The following ATP2C1 variants were observed in gnomAD, a reference collection of about 807,000 sequenced individuals.
ATP2C1 encodes calcium-transporting ATPase type 2C member 1.
Under a neutral mutation model 120.5 loss-of-function variants are expected in ATP2C1, and 31 were observed. The observed-to-expected ratio is 0.26, with a 90% confidence interval of 0.19 to 0.35. ATP2C1 has a LOEUF of 0.35. ATP2C1 is among the 10% of genes least tolerant of loss of function. The probability of loss-of-function intolerance (pLI) is 1.00; values close to 1 mark genes in which losing one functional copy is unlikely to be tolerated. For missense variants in ATP2C1, 731 were observed against 1,107.5 expected (o/e 0.66, Z 4.83); for synonymous variants, 351 against 358.7 (o/e 0.98, Z 0.24).
chr3:130,955,964 G>T, intron 10 of ATP2C1, 140 bp from the exon 11 acceptor site: 1 of 658,446 alleles, frequency 1.5e-6, no homozygotes, highest in South Asian at 1.6e-5. Flanking sequence ...TTTTCTCAGT[G>T]AAGGTGATTA....
At chr3:130,902,389 GT>G (rs1460527033) in intron 2 of ATP2C1, among the ~76,000 whole-genome samples, 6 of 136,556 alleles carry the variant, frequency 4.4e-5, no homozygotes, top group Non-Finnish European at 9.2e-5. Context: ...TTTTCTCATG[GT>G]TTTATCAAAT....
chr3:130,903,739 T>TTC (rs2057986748), intron 2 of ATP2C1, among the ~76,000 whole-genome samples: 1 of 146,962 alleles, frequency 6.8e-6, no homozygotes, highest in Non-Finnish European at 1.5e-5. Context: ...TTCCTTTCCA[T>TTC]CTTCTGTATT....
intron 1 of ATP2C1, among the ~76,000 whole-genome samples, chr3:130,864,177 A>G (rs1334077811): frequency 6.6e-6 from 1 of 152,344 alleles, no homozygotes; most frequent in East Asian, 1.9e-4. Context: ...GATGGAGATG[A>G]GGAACTTGTT....
At chr3:130,971,188 C>G (rs1014004015) in intron 17 of ATP2C1, among the ~76,000 whole-genome samples, 2 of 152,170 alleles carry the variant, frequency 1.3e-5, no homozygotes. Flanking sequence ...CACGGTACCT[C>G]AAGATAGTGT....
intron 18 of ATP2C1, among the ~76,000 whole-genome samples, chr3:130,978,019 T>C (rs2061598579): frequency 6.6e-6 from 1 of 152,102 alleles, no homozygotes; most frequent in Non-Finnish European, 1.5e-5. Flanking sequence ...AAGAAGCAAA[T>C]AAATACAGGA....
At chr3:130,983,669 T>TC (rs1453502788) in intron 20 of ATP2C1, among the ~76,000 whole-genome samples, 1 of 152,208 alleles carries the variant, frequency 6.6e-6, no homozygotes, top group Non-Finnish European at 1.5e-5. Context: ...TTTTCATCCC[T>TC]CCCCACTCCG....
chr3:130,980,465 T>C, intron 19 of ATP2C1, 117 bp from the exon 20 acceptor site: 4 of 724,492 alleles, frequency 5.5e-6, no homozygotes, highest in Non-Finnish European at 1.0e-5. Flanking sequence ...AGGTTTGTAT[T>C]ACTGGTAGGT....
rs1321967958 is a variant in ATP2C1 at position 130,979,275 on chromosome 3, C to A, written c.1597C>A (p.Leu533Met). 1 of 1,613,550 alleles carries A rather than the reference C, an allele frequency of 6.2e-7. No individual in the cohort carries two copies. The part of the protein sequence containing the change: ...RVLALASGPE[L>M]GQLTFLGLVG... ...TCTTGCTTTGGCTTCTGGTCCTGAA[C>A]TGGGACAGCTGACATTTCTTGGCTT... The change falls in exon 19 of 28, where the codon CTG (leucine) becomes ATG (methionine). Residue 533 changes from leucine to methionine, a missense_variant. By Grantham distance (15) the Leu-to-Met change is conservative. Transcript: ENST00000510168.
intron 1 of ATP2C1, among the ~76,000 whole-genome samples, chr3:130,877,594 A>G (rs1303767108): frequency 6.6e-6 from 1 of 150,510 alleles, no homozygotes; most frequent in East Asian, 1.9e-4. Context: ...ATGAGATACC[A>G]TCTCACACCA....
chr3:130,909,016 A>T (rs1182175516), intron 2 of ATP2C1, among the ~76,000 whole-genome samples: 1 of 152,220 alleles, frequency 6.6e-6, no homozygotes, highest in East Asian at 1.9e-4. Flanking sequence ...AGAATATTTA[A>T]TTCTTTAAGT....
chr3:130,965,798 C>T (rs2061022152), intron 14 of ATP2C1, among the ~76,000 whole-genome samples: 1 of 152,104 alleles, frequency 6.6e-6, no homozygotes, highest in African/African-American at 2.4e-5. Flanking sequence ...TTTCATACCT[C>T]TTAGTCCTTA....
chr3:130,960,899 A>T (rs1559977876), intron 12 of ATP2C1, among the ~76,000 whole-genome samples: 1 of 152,156 alleles, frequency 6.6e-6, no homozygotes, highest in Non-Finnish European at 1.5e-5. Context: ...AAAGGGCAAG[A>T]ACTTACTTAG....
At chr3:131,012,361 A>G (rs2063355855) in intron 26 of ATP2C1, among the ~76,000 whole-genome samples, 1 of 148,140 alleles carries the variant, frequency 6.8e-6, no homozygotes, top group Non-Finnish European at 1.5e-5. Flanking sequence ...GGGTTCAAGC[A>G]GTTCTCCCGC....
chr3:130,956,697 T>C (rs1309657637), intron 11 of ATP2C1, among the ~76,000 whole-genome samples: 2 of 152,104 alleles, frequency 1.3e-5, no homozygotes, highest in African/African-American at 4.8e-5. Context: ...AATTATTTAG[T>C]CAAAGGGGAT....
chr3:130,996,619 G>A lies in ATP2C1; in HGVS notation c.2127-61G>A. 1.0e-5 allele frequency: 11 copies of A among 1,088,368 alleles called. 1 individual carries two copies. The South Asian group carries it at 1.4e-4, about 14-fold the overall frequency. The allele number at this position is 1,088,368 out of a possible 1,614,324, so 67.4% of individuals were successfully genotyped here. On this transcript the variant is annotated intron_variant, in intron 23 of 27. Coordinates refer to ENST00000510168, the MANE Select transcript of ATP2C1 (RefSeq NM_001378687.1). ...GAGATTTTTAAATGCTAAAAAAGTG[G>A]TATCATAGAATCAACAGATTTACTC...
chr3:130,909,976 G>A (rs1000501938), intron 2 of ATP2C1, among the ~76,000 whole-genome samples: 3 of 152,096 alleles, frequency 2.0e-5, no homozygotes, highest in South Asian at 2.1e-4. Flanking sequence ...AAAGTGCTGC[G>A]ATTACGGGCA....
At chr3:130,908,054 G>T (rs183935604) in intron 2 of ATP2C1, among the ~76,000 whole-genome samples, 15 of 152,188 alleles carry the variant, frequency 9.9e-5, no homozygotes, top group Admixed American at 2.0e-4. Context: ...TCACTTGTCA[G>T]ATTGGCAAAG....
At chr3:131,009,291 CAT>C (rs1424953624) in intron 26 of ATP2C1, among the ~76,000 whole-genome samples, 3 of 152,150 alleles carry the variant, frequency 2.0e-5, no homozygotes, top group African/African-American at 7.2e-5. Flanking sequence ...TAAACCAAAA[CAT>C]ATTTGCATAG....
intron 11 of ATP2C1, among the ~76,000 whole-genome samples, chr3:130,957,169 C>T (rs1033077402): frequency 2.6e-5 from 4 of 152,202 alleles, no homozygotes; most frequent in Admixed American, 6.5e-5. Context: ...TGGGTTAAAA[C>T]ATCCCCTTTT....
Sources: gnomAD v4.1 joint callset for allele counts (sites outside exome capture counted in the v4.1 genomes callset) on GRCh38, gnomAD v4.1.1 for gene constraint, MANE v1.5 for transcripts, NCBI Gene and HGNC (gene_info 2026-07-23, HGNC 2026-07-21) for gene names.